PRKAR1A: variants seen among roughly 807,000 people sequenced by gnomAD.
The protein encoded by PRKAR1A is cAMP-dependent protein kinase type I-alpha regulatory subunit.
A neutral mutation model predicts 52.0 loss-of-function variants in PRKAR1A; 3 were observed. That is an observed-to-expected ratio of 0.06 (90% CI 0.03 to 0.15). The LOEUF (loss-of-function observed/expected upper bound fraction) is 0.15, where lower values mean the gene tolerates loss of function less well. Among genes scored for constraint, PRKAR1A ranks in the 10% least tolerant of loss-of-function variants. The pLI, the probability that PRKAR1A is intolerant of heterozygous loss-of-function variation, is 1.00. For missense variants in PRKAR1A, 240 were observed against 477.4 expected, an observed-to-expected ratio of 0.50 and a Z score of 4.63; for synonymous variants, 188 against 168.4, an observed-to-expected ratio of 1.12 and a Z score of -0.90.
chr17:68,494,403 A>G, the PRKAR1A span, among the ~76,000 whole-genome samples: 5 of 152,122 alleles, frequency 3.3e-5, no homozygotes, highest in African/African-American at 1.2e-4. Flanking sequence ...TTAGCCAGGC[A>G]TGGTGGTGGG....
chr17:68,471,654 G>A, the PRKAR1A span, among the ~76,000 whole-genome samples: 1 of 152,144 alleles, frequency 6.6e-6, no homozygotes, highest in Admixed American at 6.5e-5. Context: ...GGAGGTCTTC[G>A]CCAGGGATGT....
chr17:68,542,412 CTT>C (rs1378837939), intron 11 of PRKAR1A, among the ~76,000 whole-genome samples: 2 of 152,190 alleles, frequency 1.3e-5, no homozygotes, highest in Non-Finnish European at 2.9e-5. Flanking sequence ...GTAGAACACT[CTT>C]TATTACCCTG....
At chr17:68,538,384 A>C (rs868221993), downstream of PRKAR1A, among the ~76,000 whole-genome samples, 6 of 152,370 alleles carry the variant, frequency 3.9e-5, no homozygotes, top group Middle Eastern at 3.4e-3. Flanking sequence ...AATTAACCTA[A>C]GACATAGATG....
chr17:68,414,245 A>G, the PRKAR1A span: 1 of 152,156 alleles, frequency 6.6e-6, no homozygotes, highest in Non-Finnish European at 1.5e-5. Context: ...GATTTTGTCA[A>G]ATGCTTTTAC....
chr17:68,545,921 G>A (rs539118163), intron 11 of PRKAR1A, among the ~76,000 whole-genome samples: 95 of 152,258 alleles, frequency 6.2e-4, no homozygotes, highest in African/African-American at 2.0e-3. Context: ...TGTAATCCAA[G>A]CACTTTGGGA....
At chr17:68,511,756 C>T (rs1036958702), upstream of PRKAR1A, 3 of 152,012 alleles carry the variant, frequency 2.0e-5, no homozygotes, top group Non-Finnish European at 2.9e-5. Flanking sequence ...CGGCGCTGGC[C>T]GGGCACAGGA....
At chr17:68,443,120 T>G in the PRKAR1A span, among the ~76,000 whole-genome samples, 1 of 152,192 alleles carries the variant, frequency 6.6e-6, no homozygotes, top group African/African-American at 2.4e-5. Flanking sequence ...AATTTATTCA[T>G]TGTTTTTTGA....
chr17:68,460,082 G>T, the PRKAR1A span, among the ~76,000 whole-genome samples: 1 of 152,094 alleles, frequency 6.6e-6, no homozygotes, highest in Admixed American at 6.5e-5. Flanking sequence ...GCCTCCCAAA[G>T]TGCTGGGATT....
chr17:68,523,716 C>T lies in PRKAR1A; in HGVS notation c.349-9C>T, dbSNP rs1568696025. On this transcript the variant is annotated splice_polypyrimidine_tract_variant and intron_variant, in intron 3 of 10. Coordinates refer to ENST00000589228, the MANE Select transcript of PRKAR1A (RefSeq NM_002734.5). The stretch of plus-strand genomic sequence containing the variant: ...TGGAATTGTCATTTGACCTTCAGTT[C>T]TTTTCTAGGTTATACCAAAAGATTA... The T allele has an allele frequency of 6.2e-7, 1 of 1,608,268 alleles. No individual in the cohort carries two copies. Among genetic ancestry groups the T allele is most frequent in the East Asian group, 2.2e-5 (1 of 44,840 alleles).
At chr17:68,440,017 T>G in the PRKAR1A span, among the ~76,000 whole-genome samples, 1 of 152,214 alleles carries the variant, frequency 6.6e-6, no homozygotes, top group African/African-American at 2.4e-5. Flanking sequence ...GTTTAAACTT[T>G]CTAAGCTAAT....
the PRKAR1A span, among the ~76,000 whole-genome samples, chr17:68,499,741 C>G: frequency 6.6e-6 from 1 of 152,226 alleles, no homozygotes; most frequent in African/African-American, 2.4e-5. Context: ...TGCCACCGTG[C>G]TATAGAGTAA....
Position 68,531,277 on chromosome 17 carries a change from A to G in PRKAR1A, c.*828A>G, listed in dbSNP as rs1338951721. 9.4e-7 allele frequency: 1 copy of G among 1,066,254 alleles called. No homozygotes were observed. Among genetic ancestry groups the G allele is most frequent in the African/African-American group, 1.6e-5 (1 of 61,240 alleles). The allele number at this position is 1,066,254 out of a possible 1,614,324, so 66.0% of individuals were successfully genotyped here. On this transcript the variant is annotated 3_prime_UTR_variant, in exon 11 of 11. Coordinates refer to ENST00000589228, the MANE Select transcript of PRKAR1A (RefSeq NM_002734.5). ...TAATTGATCAGATGCTGAATTGAGA[A>G]TAAGAATTTGAGGTCTACATTCTTG... is the stretch of plus-strand genomic sequence containing the variant.
the PRKAR1A span, chr17:68,457,546 C>CGTCCCCGGCTT: frequency 4.7e-6 from 1 of 213,706 alleles, no homozygotes; most frequent in African/African-American, 1.1e-4. Context: ...CGTCCCCACC[C>CGTCCCCGGCTT]CGCCCCTACC....
the PRKAR1A span, among the ~76,000 whole-genome samples, chr17:68,425,051 G>C: frequency 5.3e-5 from 8 of 152,216 alleles, no homozygotes; most frequent in Admixed American, 3.3e-4. Context: ...CTTGTCTTCA[G>C]TTCCAGGTGA....
chr17:68,546,168 CAAAAAA>C (rs750780505), intron 11 of PRKAR1A, among the ~76,000 whole-genome samples: 6 of 98,912 alleles, frequency 6.1e-5, no homozygotes, highest in East Asian at 5.4e-4. Context: ...GACTCCATCT[CAAAAAA>C]AAAAAAAAAA....
At chr17:68,431,368 G>C in the PRKAR1A span, among the ~76,000 whole-genome samples, 1 of 152,160 alleles carries the variant, frequency 6.6e-6, no homozygotes, top group Admixed American at 6.5e-5. Flanking sequence ...TGGGGACTGA[G>C]CATGGAGCCC....
chr17:68,428,484 C>T, the PRKAR1A span: 5 of 211,458 alleles, frequency 2.4e-5, no homozygotes, highest in Admixed American at 5.4e-5. Flanking sequence ...CCACCCGCTT[C>T]GGCCTCCCAA....
At chr17:68,449,692 C>T in the PRKAR1A span, among the ~76,000 whole-genome samples, 2 of 152,218 alleles carry the variant, frequency 1.3e-5, no homozygotes, top group Non-Finnish European at 2.9e-5. Context: ...TGAATCAAAG[C>T]TCCCTGAGCC....
At chr17:68,427,494 C>T in the PRKAR1A span, 1 of 310,120 alleles carries the variant, frequency 3.2e-6, no homozygotes, top group East Asian at 7.7e-5. Flanking sequence ...GTAGCTGCGA[C>T]TACAGGCACC....
Sources: allele counts gnomAD v4.1 joint callset (sites outside exome capture counted in the v4.1 genomes callset), GRCh38; gene constraint gnomAD v4.1.1; transcripts MANE v1.5; gene names NCBI Gene and HGNC (gene_info 2026-07-23, HGNC 2026-07-21).